Variants in DR1 observed in about 807,000 individuals in gnomAD.
DR1 encodes the protein protein Dr1.
DR1 carries 7 observed loss-of-function variants against 19.9 expected under a neutral mutation model. The observed-to-expected ratio is 0.35, with a 90% CI of 0.20 to 0.66. The LOEUF is 0.66. Among genes scored for constraint, DR1 ranks in the 30% least tolerant of loss-of-function variants. The pLI is 0.66. For missense variants in DR1, 98 were observed against 203.7 expected, an observed-to-expected ratio of 0.48 and a Z score of 3.16; for synonymous variants, 76 against 72.5, an observed-to-expected ratio of 1.05 and a Z score of -0.24.
In DR1 at chr1:93,369,241, A is replaced by G. The variant is rs1204773287; in HGVS notation, c.*8602A>G. 1 of 152,146 alleles carries G rather than the reference A, an allele frequency of 6.6e-6. No individual in the cohort carries two copies. The highest frequency in any genetic ancestry group is 2.4e-5 in the African/African-American group (1 of 41,438). The allele number at this position is 152,146 out of a possible 1,614,324, so 9.4% of individuals were successfully genotyped here. A position where few individuals can be genotyped will look rare whatever the true frequency, so the allele number is the denominator to read the frequency against. ...TCCACTAGAACTTTTTTCCCCAAAA[A>G]TACTCTGGAAATACTGGAACAAATA... On this transcript the variant is annotated 3_prime_UTR_variant, in exon 3 of 3. Transcript: ENST00000370272.
rs1667078835 is a variant in DR1, at chr1:93,363,222, C to G, written c.*2583C>G. The G allele has an allele frequency of 6.6e-6, 1 of 152,142 alleles. No individual in the cohort carries two copies. The highest frequency in any genetic ancestry group is 1.5e-5 in the Non-Finnish European group (1 of 68,006). 9.4% of individuals were successfully genotyped at this position (152,142 alleles called of 1,614,324 possible). On this transcript the variant is annotated 3_prime_UTR_variant, in exon 3 of 3. Transcript: ENST00000370272. ...TTCTTTCTTGCTGAAAGTTACTATC[C>G]TGACTTCTAAAATCATAGATTAGTT...
chr1:93,346,562 C>A lies in DR1; in HGVS notation c.-84C>A. 8.2e-7 allele frequency: 1 copy of A among 1,218,072 alleles called. No homozygotes were observed. 75.5% of individuals were successfully genotyped at this position (1,218,072 alleles called of 1,614,324 possible). ...ACCCCCCGGGATCACTCTCCGAGGG[C>A]GACTTTTTGAGAAATCTCGGTGGAG... On this transcript the variant is annotated 5_prime_UTR_variant, in exon 1 of 3. Transcript: ENST00000370272.
At position 93,346,192 on chromosome 1, in the gene DR1, G is replaced by A; in HGVS notation, c.-454G>A. ...GCGGCAACGGCTGCTGGCGGCGGCG[G>A]CAGCGGCAGCGGGGCCTCGGGCTCT... On this transcript the variant is annotated 5_prime_UTR_variant, in exon 1 of 3. Transcript: ENST00000370272. 1 of 205,594 alleles carries A rather than the reference G, an allele frequency of 4.9e-6. No homozygotes were observed. 12.7% of individuals were successfully genotyped at this position (205,594 alleles called of 1,614,324 possible).
At chr1:93,359,149 A>T (rs538685158) in intron 2 of DR1, among the ~76,000 whole-genome samples, 22 of 152,194 alleles carry the variant, frequency 1.4e-4, no homozygotes, top group South Asian at 4.1e-4. Flanking sequence ...GATTTTTTTT[A>T]AAAAAATGAA....
At position 93,364,426 on chromosome 1, in the gene DR1, T is replaced by C. The variant is rs1667093771; in HGVS notation, c.*3787T>C. ...GTTATAACCTCATTAAAATGCATGA[T>C]ATTTCCTTATATAGGTTTCTAAATT... On this transcript the variant is annotated 3_prime_UTR_variant, in exon 3 of 3. Transcript: ENST00000370272. 6.6e-6 allele frequency: 1 copy of C among 152,232 alleles called. No homozygotes were observed. Among genetic ancestry groups the C allele is most frequent in the Non-Finnish European group, 1.5e-5 (1 of 68,044 alleles). 9.4% of individuals were successfully genotyped at this position (152,232 alleles called of 1,614,324 possible).
intron 2 of DR1, among the ~76,000 whole-genome samples, chr1:93,357,518 A>AAAATAAATAAATAAATAAAT (rs3067471): frequency 8.6e-4 from 128 of 149,224 alleles, no homozygotes; most frequent in Middle Eastern, 3.5e-3. Context: ...CCCCATCTCT[A>AAAATAAATAAATAAATAAAT]AAATAAATAA....
intron 1 of DR1, among the ~76,000 whole-genome samples, chr1:93,352,656 T>C (rs1023796554): frequency 6.6e-6 from 1 of 152,196 alleles, no homozygotes; most frequent in Non-Finnish European, 1.5e-5. Context: ...AGAGCATGTA[T>C]ACTAAAAGGA....
chr1:93,364,425 A>G lies in DR1; in HGVS notation c.*3786A>G, dbSNP rs938728050. ...GGTTATAACCTCATTAAAATGCATG[A>G]TATTTCCTTATATAGGTTTCTAAAT... is the stretch of plus-strand genomic sequence containing the variant. On this transcript the variant is annotated 3_prime_UTR_variant, in exon 3 of 3. Coordinates refer to ENST00000370272, the MANE Select transcript of DR1 (RefSeq NM_001938.3). 6.6e-6 allele frequency: 1 copy of G among 152,192 alleles called. No homozygotes were observed. Among genetic ancestry groups the G allele is most frequent in the Non-Finnish European group, 1.5e-5 (1 of 68,046 alleles). 9.4% of individuals were successfully genotyped at this position (152,192 alleles called of 1,614,324 possible).
chr1:93,356,336 G>C lies in DR1; in HGVS notation c.384+2265G>C, dbSNP rs575305765. On this transcript the variant is annotated intron_variant, in intron 2 of 2. Transcript: ENST00000370272. ...GGCACACTTCAGCCTAGAACTCCTGGGCTCAAGGGATCCTCCTGCTTCAGC... is the reference window on the plus strand; with the variant it reads ...GGCACACTTCAGCCTAGAACTCCTGCGCTCAAGGGATCCTCCTGCTTCAGC... Among the ~76,000 whole-genome samples, 10 of 151,820 alleles carry C rather than the reference G, an allele frequency of 6.6e-5. No individual in the cohort carries two copies. The South Asian group carries it at 2.1e-3, about 32-fold the overall frequency.
intron 2 of DR1, chr1:93,355,392 G>A (rs940587861): frequency 1.1e-4 from 16 of 152,168 alleles, no homozygotes; most frequent in African/African-American, 3.6e-4. Flanking sequence ...TCATTATAGA[G>A]CTTAATCTAC....
chr1:93,356,672 G>A (rs1049667893), intron 2 of DR1, among the ~76,000 whole-genome samples: 2 of 151,462 alleles, frequency 1.3e-5, no homozygotes, highest in South Asian at 4.2e-4. Context: ...GCTTATGTTG[G>A]TTGAATTTAT....
Position 93,361,333 on chromosome 1 carries a change from A to C in DR1, c.*694A>C, listed in dbSNP as rs1250858102. 1.3e-5 allele frequency: 2 copies of C among 152,566 alleles called. No homozygotes were observed. The highest frequency in any genetic ancestry group is 4.8e-5 in the African/African-American group (2 of 41,430). 9.5% of individuals were successfully genotyped at this position (152,566 alleles called of 1,614,324 possible). On this transcript the variant is annotated 3_prime_UTR_variant, in exon 3 of 3. Transcript: ENST00000370272. Reference sequence around the variant, plus strand: ...AGCATAATTCATTTTGAGCTCCACTATGACATTTCAAAGACTGCCCAGTTT... The same window carrying C: ...AGCATAATTCATTTTGAGCTCCACTCTGACATTTCAAAGACTGCCCAGTTT...
chr1:93,368,371 A>AGG lies in DR1; in HGVS notation c.*7734_*7735dup, dbSNP rs1667191412. On this transcript the variant is annotated 3_prime_UTR_variant, in exon 3 of 3. Transcript: ENST00000370272. ...ACATAGAAAGCAGTAGAGGTGGAAGAGGGAGACTTGCCAGAATAAGTTTTT... is the reference window on the plus strand; with the variant it reads ...ACATAGAAAGCAGTAGAGGTGGAAGAGGGGGAGACTTGCCAGAATAAGTTTTT... 1 of 152,346 alleles carries AGG rather than the reference A, an allele frequency of 6.6e-6. No individual in the cohort carries two copies. Among genetic ancestry groups the AGG allele is most frequent in the African/African-American group, 2.4e-5 (1 of 41,566 alleles). 9.4% of individuals were successfully genotyped at this position (152,346 alleles called of 1,614,324 possible). A position where few individuals can be genotyped will look rare whatever the true frequency, so the allele number is the denominator to read the frequency against.
At position 93,346,538 on chromosome 1, in the gene DR1, C is replaced by A. The variant is rs1557744027; in HGVS notation, c.-108C>A. On this transcript the variant is annotated 5_prime_UTR_variant, in exon 1 of 3. Transcript: ENST00000370272. ...TTTTCTGCACCCTCTTCGCAAAGCACCCCCCGGGATCACTCTCCGAGGGCG... is the reference window on the plus strand; with the variant it reads ...TTTTCTGCACCCTCTTCGCAAAGCAACCCCCGGGATCACTCTCCGAGGGCG... 2.4e-6 allele frequency: 2 copies of A among 838,416 alleles called. No homozygotes were observed. Among genetic ancestry groups the A allele is most frequent in the Admixed American group, 2.3e-5 (1 of 43,640 alleles). The allele number at this position is 838,416 out of a possible 1,614,324, so 51.9% of individuals were successfully genotyped here. A position where few individuals can be genotyped will look rare whatever the true frequency, so the allele number is the denominator to read the frequency against.
intron 2 of DR1, chr1:93,355,282 T>C (rs1299286686): frequency 6.6e-6 from 1 of 152,218 alleles, no homozygotes; most frequent in Non-Finnish European, 1.5e-5. Flanking sequence ...TGAAATTGTT[T>C]GTCATTTGTT....
rs1667125892 is a variant in DR1 at position 93,366,126 on chromosome 1, C to T, written c.*5487C>T. On this transcript the variant is annotated 3_prime_UTR_variant, in exon 3 of 3. Transcript: ENST00000370272. The stretch of plus-strand genomic sequence containing the variant: ...TCCTCAGCCTCTGGTAACCAGCATT[C>T]AGTCTCTATGAATTGACTACTCTGG... 1 of 152,206 alleles carries T rather than the reference C, an allele frequency of 6.6e-6. No individual in the cohort carries two copies. Among genetic ancestry groups the T allele is most frequent in the South Asian group, 2.1e-4 (1 of 4,832 alleles). 9.4% of individuals were successfully genotyped at this position (152,206 alleles called of 1,614,324 possible).
chr1:93,346,508 G>T lies in DR1; in HGVS notation c.-138G>T. ...CAGCCCTCAAGCCAGCTGCTCCTCC[G>T]TTCATTTTCTGCACCCTCTTCGCAA... On this transcript the variant is annotated 5_prime_UTR_variant, in exon 1 of 3. Transcript: ENST00000370272. 1.5e-6 allele frequency: 1 copy of T among 657,836 alleles called. No individual in the cohort carries two copies. Among genetic ancestry groups the T allele is most frequent in the Non-Finnish European group, 2.6e-6 (1 of 380,902 alleles). The allele number at this position is 657,836 out of a possible 1,614,324, so 40.7% of individuals were successfully genotyped here. A position where few individuals can be genotyped will look rare whatever the true frequency, so the allele number is the denominator to read the frequency against.
At chr1:93,350,334 C>T (rs183256904) in intron 1 of DR1, among the ~76,000 whole-genome samples, 19 of 152,216 alleles carry the variant, frequency 1.2e-4, no homozygotes, top group African/African-American at 4.3e-4. Flanking sequence ...TTTCAGAAAC[C>T]TTTGCCAGGC....
chr1:93,356,305 C>G (rs932102571), intron 2 of DR1, among the ~76,000 whole-genome samples: 1 of 151,376 alleles, frequency 6.6e-6, no homozygotes, highest in African/African-American at 2.4e-5. Flanking sequence ...TTGACAGGCT[C>G]GATCAGGCAC....
Sources: allele counts gnomAD v4.1 joint callset (sites outside exome capture counted in the v4.1 genomes callset), GRCh38; gene constraint gnomAD v4.1.1; transcripts MANE v1.5; gene names NCBI Gene and HGNC (gene_info 2026-07-23, HGNC 2026-07-21).